The following TASP1 variants were observed in gnomAD, a reference collection of about 807,000 sequenced individuals.
TASP1 encodes taspase 1.
TASP1 carries 16 observed loss-of-function variants against 56.6 expected under a neutral mutation model. The ratio of observed to expected loss-of-function variants is 0.28; its 90% CI spans 0.19 to 0.43. The LOEUF is 0.43. TASP1 is among the 20% of genes least tolerant of loss of function. TASP1 has a pLI of 1.00. For synonymous variants in TASP1, 179 were observed against 184.2 expected, an observed-to-expected ratio of 0.97 and a Z score of 0.23; for missense variants, 393 against 511.6, an observed-to-expected ratio of 0.77 and a Z score of 2.24.
At chr20:13,303,601 G>A in the TASP1 span, among the ~76,000 whole-genome samples, 2 of 152,192 alleles carry the variant, frequency 1.3e-5, no homozygotes, top group Non-Finnish European at 2.9e-5. Flanking sequence ...GCAATGTGCA[G>A]AGGGCTTAAG....
intron 2 of TASP1, among the ~76,000 whole-genome samples, chr20:13,627,708 G>A (rs1033100547): frequency 1.4e-5 from 2 of 143,034 alleles, no homozygotes; most frequent in South Asian, 2.2e-4. Flanking sequence ...ACTGCAGCCT[G>A]GGCAACAAGA....
chr20:13,308,880 T>C, the TASP1 span, among the ~76,000 whole-genome samples: 1 of 152,082 alleles, frequency 6.6e-6, no homozygotes, highest in African/African-American at 2.4e-5. Flanking sequence ...GAGAGAGCTC[T>C]CTTGCCCTCT....
At chr20:13,566,128 GA>G (rs2046520866) in intron 7 of TASP1, among the ~76,000 whole-genome samples, 1 of 152,056 alleles carries the variant, frequency 6.6e-6, no homozygotes, top group Non-Finnish European at 1.5e-5. Context: ...TATAAAAGCA[GA>G]ATTCATAGAG....
In TASP1 at chr20:13,433,652, G is replaced by A. The variant is rs541954777; in HGVS notation, c.1096+1392C>T. On this transcript the variant is annotated intron_variant, in intron 12 of 13. Coordinates refer to ENST00000337743, the MANE Select transcript of TASP1 (RefSeq NM_017714.3). ...TATGAAAATGTTTTGGGCACCTATAGAAAAAGTATTTTTTATACCCATAAA... is the reference window on the plus strand; with the variant it reads ...TATGAAAATGTTTTGGGCACCTATAAAAAAAGTATTTTTTATACCCATAAA... Among the ~76,000 whole-genome samples, 222 of 150,802 alleles carry A rather than the reference G, an allele frequency of 1.5e-3. 1 individual carries two copies. Among genetic ancestry groups the A allele is most frequent in the African/African-American group, 4.8e-3 (197 of 41,064 alleles).
At chr20:13,342,673 G>T in the TASP1 span, among the ~76,000 whole-genome samples, 1 of 152,220 alleles carries the variant, frequency 6.6e-6, no homozygotes, top group Non-Finnish European at 1.5e-5. Flanking sequence ...GCCCTCAGAT[G>T]ACGCTGGGCT....
At chr20:13,336,326 C>G in the TASP1 span, among the ~76,000 whole-genome samples, 1 of 152,324 alleles carries the variant, frequency 6.6e-6, no homozygotes, top group South Asian at 2.1e-4. Flanking sequence ...ACCAATAGCA[C>G]AGTAGTGCAT....
At chr20:13,255,267 G>GA in the TASP1 span, among the ~76,000 whole-genome samples, 4 of 151,992 alleles carry the variant, frequency 2.6e-5, no homozygotes, top group African/African-American at 7.2e-5. Flanking sequence ...AGAGGAATTT[G>GA]AAAAAATGGA....
At chr20:13,358,493 C>T in the TASP1 span, among the ~76,000 whole-genome samples, 1 of 152,210 alleles carries the variant, frequency 6.6e-6, no homozygotes, top group African/African-American at 2.4e-5. Context: ...GCGGCCTCTT[C>T]TTACTCTCTT....
chr20:13,426,979 C>A (rs1465200500), intron 12 of TASP1, among the ~76,000 whole-genome samples: 1 of 152,170 alleles, frequency 6.6e-6, no homozygotes, highest in South Asian at 2.1e-4. Context: ...TCTATAAATA[C>A]CTCTTTTCCC....
intron 11 of TASP1, among the ~76,000 whole-genome samples, chr20:13,437,298 A>G (rs1383755646): frequency 2.0e-5 from 3 of 152,204 alleles, no homozygotes; most frequent in African/African-American, 4.8e-5. Flanking sequence ...GCCTTTGACA[A>G]AATTCAACAA....
chr20:13,594,275 C>T (rs1173091746), intron 4 of TASP1, among the ~76,000 whole-genome samples: 4 of 152,170 alleles, frequency 2.6e-5, no homozygotes, highest in Non-Finnish European at 5.9e-5. Context: ...TGAGGAGAAA[C>T]CAGAGCAGAA....
intron 10 of TASP1, among the ~76,000 whole-genome samples, chr20:13,497,605 T>G (rs562884441): frequency 6.6e-6 from 1 of 152,272 alleles, no homozygotes; most frequent in African/African-American, 2.4e-5. Flanking sequence ...CTTTGCTGAA[T>G]AGTAAGACTT....
intron 11 of TASP1, among the ~76,000 whole-genome samples, chr20:13,469,530 T>A (rs2044391455): frequency 1.3e-5 from 2 of 152,076 alleles, no homozygotes; most frequent in Non-Finnish European, 2.9e-5. Context: ...AGTAATAAAA[T>A]TTTTTTCTTT....
intron 10 of TASP1, among the ~76,000 whole-genome samples, chr20:13,518,952 A>G (rs1332742061): frequency 6.6e-6 from 1 of 152,132 alleles, no homozygotes; most frequent in Non-Finnish European, 1.5e-5. Context: ...GTGAATTAAC[A>G]AATAAAATGT....
intron 2 of TASP1, among the ~76,000 whole-genome samples, chr20:13,629,553 C>T (rs1165781480): frequency 3.3e-5 from 5 of 151,732 alleles, no homozygotes; most frequent in African/African-American, 1.2e-4. Flanking sequence ...CTCACTGCAA[C>T]CTCCACCTCC....
At chr20:13,254,845 C>CT in the TASP1 span, among the ~76,000 whole-genome samples, 1 of 152,248 alleles carries the variant, frequency 6.6e-6, no homozygotes, top group Non-Finnish European at 1.5e-5. Context: ...GAGGAGTCAA[C>CT]TGTGGCCACA....
intron 10 of TASP1, among the ~76,000 whole-genome samples, chr20:13,501,603 G>A (rs970400366): frequency 2.0e-5 from 3 of 151,646 alleles, no homozygotes; most frequent in Non-Finnish European, 4.4e-5. Flanking sequence ...GAGAAGAAAA[G>A]AACAATAAAA....
In TASP1 at chr20:13,580,917, C is replaced by T. The variant is rs756675887; in HGVS notation, c.468G>A (p.Ser156=). 2.4e-5 allele frequency: 39 copies of T among 1,612,776 alleles called. No individual in the cohort carries two copies. Among genetic ancestry groups the T allele is most frequent in the South Asian group, 1.5e-4 (14 of 91,018 alleles). Residue 156 remains serine, a synonymous_variant, in exon 6 of 14, where the codon TCG becomes TCA. Transcript: ENST00000337743. ...LLCEGQKGKL[S]AGRIPPCFLV... ...GTTACCAGGGAGGAATTCTGCCAGC[C>T]GAGAGCTTGCCCTTCTGCCCTTCAC...
At chr20:13,281,234 C>A in the TASP1 span, among the ~76,000 whole-genome samples, 3 of 152,118 alleles carry the variant, frequency 2.0e-5, no homozygotes, top group Non-Finnish European at 4.4e-5. Flanking sequence ...ATCTGTGGAC[C>A]AAGGGAGAAA....
Sources: allele counts gnomAD v4.1 joint callset (sites outside exome capture counted in the v4.1 genomes callset), GRCh38; gene constraint gnomAD v4.1.1; transcripts MANE v1.5; gene names NCBI Gene and HGNC (gene_info 2026-07-23, HGNC 2026-07-21).